Variants in TMEM132E observed in about 807,000 individuals in gnomAD.
TMEM132E encodes the protein transmembrane protein 132E.
Under a neutral mutation model 78.5 loss-of-function variants are expected in TMEM132E, and 49 were observed. The observed-to-expected ratio is 0.62, with a 90% CI of 0.50 to 0.79. The LOEUF (loss-of-function observed/expected upper bound fraction) is 0.79. Among genes scored for constraint, TMEM132E ranks in the 30% least tolerant of loss-of-function variants. The pLI, the probability that TMEM132E is intolerant of heterozygous loss-of-function variation, is 0.00. For synonymous variants in TMEM132E, 715 were observed against 670.6 expected, an observed-to-expected ratio of 1.07 and a Z score of -1.02; for missense variants, 1,403 against 1,470.9, an observed-to-expected ratio of 0.95 and a Z score of 0.75.
intron 1 of TMEM132E, among the ~76,000 whole-genome samples, chr17:34,597,437 T>C (rs1906098557): frequency 6.6e-6 from 1 of 152,168 alleles, no homozygotes; most frequent in South Asian, 2.1e-4. Context: ...CTTAGGATCT[T>C]TTTCATTGAT....
rs572363907 is a variant in TMEM132E, at chr17:34,609,462, C to A, written c.68-16665C>A. On this transcript the variant is annotated intron_variant, in intron 1 of 8. Transcript: ENST00000631683. ...CAGGGGAGCTCTTTCCTCCCCAGGA[C>A]CTGACAGATTGCTGAGATAACTTAA... is the stretch of plus-strand genomic sequence containing the variant. Among the ~76,000 whole-genome samples, 12 of 152,244 alleles carry A rather than the reference C, an allele frequency of 7.9e-5. No homozygotes were observed. In the South Asian group the frequency reaches 1.9e-3, roughly 24 times the overall value.
chr17:34,583,675 C>A lies in TMEM132E; in HGVS notation c.67+2532C>A, dbSNP rs149399664. On this transcript the variant is annotated intron_variant, in intron 1 of 8. Transcript: ENST00000631683. ...AGGTCACAGGGTTCTGACCACACAG[C>A]CAGACTGGGAGCCAAGTAGCCTGGG... 6.6e-3 allele frequency among the ~76,000 whole-genome samples: 998 copies of A among 152,348 alleles called. 15 individuals carry two copies. The highest frequency in any genetic ancestry group is 0.023 in the African/African-American group (946 of 41,578).
In TMEM132E at chr17:34,579,620, AGGCGGCGAC is replaced by A. The variant is rs1433472028; in HGVS notation, c.-1449_-1441del. ...GGAGCAGCCGGCGCGAGCGCCGAGG[AGGCGGCGAC>A]GGCGGCGGCGGCTGCTTCGTGCAAC... is the stretch of plus-strand genomic sequence containing the variant. On this transcript the variant is annotated 5_prime_UTR_variant, in exon 1 of 9. Coordinates refer to ENST00000631683, the MANE Select transcript of TMEM132E (RefSeq NM_001304438.2). 1 of 159,636 alleles carries A rather than the reference AGGCGGCGAC, an allele frequency of 6.3e-6. No individual in the cohort carries two copies. The highest frequency in any genetic ancestry group is 6.2e-5 in the Admixed American group (1 of 16,188). 9.9% of individuals were successfully genotyped at this position (159,636 alleles called of 1,614,324 possible). A position where few individuals can be genotyped will look rare whatever the true frequency, so the allele number is the denominator to read the frequency against.
chr17:34,628,503 G>A, intron 2 of TMEM132E, 60 bp from the exon 3 acceptor site: 1 of 1,598,640 alleles, frequency 6.3e-7, no homozygotes, highest in African/African-American at 1.3e-5. Flanking sequence ...TGGTGGCCAG[G>A]CAGGCAGCTT....
intron 1 of TMEM132E, among the ~76,000 whole-genome samples, chr17:34,600,113 C>T (rs1454000704): frequency 6.6e-6 from 1 of 152,216 alleles, no homozygotes; most frequent in Non-Finnish European, 1.5e-5. Context: ...TTCCTATCTT[C>T]TTTTCTTCCT....
intron 1 of TMEM132E, among the ~76,000 whole-genome samples, chr17:34,601,175 T>C (rs1307334373): frequency 6.6e-6 from 1 of 152,096 alleles, no homozygotes; most frequent in Non-Finnish European, 1.5e-5. Flanking sequence ...CCAGCATTAA[T>C]GAGGAAATAG....
rs750774036 is a variant in TMEM132E at position 34,637,506 on chromosome 17, C to G, written c.2499C>G (p.Gly833=). The change falls in exon 9 of 9, where the codon GGC becomes GGG. Residue 833 remains glycine (G), a synonymous_variant. Transcript: ENST00000631683. Reference sequence around the variant, plus strand: ...CGGGCCCCAGCCAACCAGGGCCCGGCGGGGGCGAGGACGAGGCCCGGGGAG... The same window carrying G: ...CGGGCCCCAGCCAACCAGGGCCCGGGGGGGGCGAGGACGAGGCCCGGGGAG... ...DYPGPSQPGP[G]GGEDEARGAG... 5 of 1,605,792 alleles carry G rather than the reference C, an allele frequency of 3.1e-6. No homozygotes were observed. The South Asian group carries it at 5.5e-5, about 18-fold the overall frequency.
chr17:34,620,601 G>A (rs1218365469), intron 1 of TMEM132E, among the ~76,000 whole-genome samples: 1 of 152,232 alleles, frequency 6.6e-6, no homozygotes, highest in African/African-American at 2.4e-5. Flanking sequence ...AGGAGCCAGT[G>A]TCTCATGGCC....
At position 34,630,077 on chromosome 17, in the gene TMEM132E, A is replaced by T; in HGVS notation, c.1408A>T (p.Ile470Phe). 6.2e-7 allele frequency: 1 copy of T among 1,613,714 alleles called. No homozygotes were observed. Among genetic ancestry groups the T allele is most frequent in the African/African-American group, 1.3e-5 (1 of 75,000 alleles). The change falls in exon 5 of 9, where the codon ATC becomes TTC. Residue 470 changes from isoleucine (I) to phenylalanine (F), a missense_variant. By Grantham distance (21) the Ile-to-Phe change is conservative. This residue lies in a region of TMEM132E where 888 missense variants were observed against 952.8 expected (regional missense o/e 0.93). Coordinates refer to ENST00000631683, the MANE Select transcript of TMEM132E (RefSeq NM_001304438.2). ...GGCCATCCCTGTCAAGGTCATTGCC[A>T]TCGAGGTGAATGGCCTCGTCCTGGA... is the stretch of plus-strand genomic sequence containing the variant. ...TVAIPVKVIA[I>F]EVNGLVLDIS...
At chr17:34,613,180 C>G (rs796245704) in intron 1 of TMEM132E, among the ~76,000 whole-genome samples, 3 of 103,368 alleles carry the variant, frequency 2.9e-5, no homozygotes, top group South Asian at 6.4e-4. Context: ...TCTCTACACA[C>G]ACACACACAC....
chr17:34,601,768 G>T (rs574825616), intron 1 of TMEM132E, among the ~76,000 whole-genome samples: 3 of 152,184 alleles, frequency 2.0e-5, no homozygotes, highest in Non-Finnish European at 4.4e-5. Context: ...TGGCTACAGG[G>T]CTACCTCTCC....
chr17:34,596,931 G>A (rs1906079353), intron 1 of TMEM132E, among the ~76,000 whole-genome samples: 1 of 151,028 alleles, frequency 6.6e-6, no homozygotes, highest in South Asian at 2.1e-4. Context: ...AATCTCGATG[G>A]CTCTCCTCCT....
intron 1 of TMEM132E, among the ~76,000 whole-genome samples, chr17:34,596,266 G>A (rs974333577): frequency 6.6e-6 from 1 of 152,186 alleles, no homozygotes; most frequent in African/African-American, 2.4e-5. Context: ...GTTTAAAAAT[G>A]GCTAAACATC....
In TMEM132E at chr17:34,637,845, G is replaced by T; in HGVS notation, c.2838G>T (p.Val946=). The T allele has an allele frequency of 6.2e-7, 1 of 1,610,258 alleles. No homozygotes were observed. The highest frequency in any genetic ancestry group is 8.5e-7 in the Non-Finnish European group (1 of 1,178,714). The change falls in exon 9 of 9, where the codon GTG becomes GTT. Residue 946 remains valine, a synonymous_variant. Transcript: ENST00000631683. ...TGGGCAACGGGCAGCCGCTGCGGGT[G>T]CAAGGAGAGCTGTCGCCGCCAGCAG... is the stretch of plus-strand genomic sequence containing the variant. ...VFLGNGQPLR[V]QGELSPPAGN...
At chr17:34,582,067 G>C (rs992360) in intron 1 of TMEM132E, among the ~76,000 whole-genome samples, 15,199 of 151,922 alleles carry the variant, frequency 0.1, 876 homozygotes, top group East Asian at 0.26. Context: ...TCCGAAAGGA[G>C]AGTGGAGAAG....
At chr17:34,605,110 G>T (rs1279066687) in intron 1 of TMEM132E, among the ~76,000 whole-genome samples, 4 of 152,170 alleles carry the variant, frequency 2.6e-5, no homozygotes, top group Non-Finnish European at 5.9e-5. Flanking sequence ...AGAGGGATGT[G>T]CCTGTCCTCC....
At chr17:34,634,133 A>C (rs1226273308) in intron 6 of TMEM132E, among the ~76,000 whole-genome samples, 1 of 152,232 alleles carries the variant, frequency 6.6e-6, no homozygotes, top group Non-Finnish European at 1.5e-5. Flanking sequence ...AGAGAAAAAC[A>C]CTTGGCTTTC....
intron 1 of TMEM132E, among the ~76,000 whole-genome samples, chr17:34,581,579 C>G (rs1356478813): frequency 4.0e-5 from 6 of 149,260 alleles, no homozygotes; most frequent in African/African-American, 1.5e-4. Flanking sequence ...CAGGCCGGTG[C>G]GGGGCCGCGC....
intron 1 of TMEM132E, among the ~76,000 whole-genome samples, chr17:34,617,429 C>T (rs141555090): frequency 2.3e-3 from 349 of 152,336 alleles, no homozygotes; most frequent in Middle Eastern, 6.8e-3. Flanking sequence ...GTGAGCCAGA[C>T]AATGCACCAA....
Sources: allele counts gnomAD v4.1 joint callset (sites outside exome capture counted in the v4.1 genomes callset), GRCh38; gene constraint gnomAD v4.1.1; regional missense constraint gnomAD v4.1.1; transcripts MANE v1.5; gene names NCBI Gene and HGNC (gene_info 2026-07-23, HGNC 2026-07-21).